The following SORL1 variants were observed in gnomAD, a reference collection of about 807,000 sequenced individuals.
SORL1 encodes sortilin-related receptor.
SORL1 carries 127 observed loss-of-function variants against 273.7 expected under a neutral mutation model. The observed-to-expected ratio is 0.46, with a 90% confidence interval of 0.40 to 0.54. The LOEUF is 0.54. Ranked by LOEUF, SORL1 falls within the 20% of genes least tolerant of loss-of-function variation. The pLI is 0.00. For synonymous variants in SORL1, 1,031 were observed against 1,067.4 expected (o/e 0.97, Z 0.66); for missense variants, 2,494 against 2,846.1 (o/e 0.88, Z 2.81).
At chr11:121,507,641 A>T (rs1861808141) in intron 6 of SORL1, among the ~76,000 whole-genome samples, 1 of 151,856 alleles carries the variant, frequency 6.6e-6, no homozygotes. Context: ...TTCTTTATTG[A>T]TATTCTCTAT....
intron 8 of SORL1, among the ~76,000 whole-genome samples, chr11:121,516,985 G>C (rs1178249906): frequency 6.6e-6 from 1 of 152,172 alleles, no homozygotes; most frequent in African/African-American, 2.4e-5. Flanking sequence ...CTGGGAGGTA[G>C]AGGATGCAGT....
Position 121,604,234 on chromosome 11 carries a change from T to C in SORL1, c.4561T>C (p.Cys1521Arg). 1.2e-6 allele frequency: 2 copies of C among 1,614,092 alleles called. No individual in the cohort carries two copies. Among genetic ancestry groups the C allele is most frequent in the Non-Finnish European group, 1.7e-6 (2 of 1,180,002 alleles). The change falls in exon 33 of 48, where the codon TGC (cysteine) becomes CGC (arginine). Residue 1521 changes from cysteine (C) to arginine (R), a missense_variant. Physicochemically the swap from Cys to Arg is radical, Grantham distance 180. Transcript: ENST00000260197. Reference sequence around the variant, plus strand: ...GACTTGCATGAGCAGGGAGTTCCAGTGCGAGGACGGGGAGGCCTGCATTGT... The same window carrying C: ...GACTTGCATGAGCAGGGAGTTCCAGCGCGAGGACGGGGAGGCCTGCATTGT... ...TLTCMSREFQ[C>R]EDGEACIVLS...
chr11:121,590,871 G>A, intron 30 of SORL1, 130 bp from the exon 31 acceptor site: 1 of 940,074 alleles, frequency 1.1e-6, no homozygotes, highest in Non-Finnish European at 1.8e-6. Flanking sequence ...GCTCAGAGCT[G>A]TGCCAGTCAC....
intron 16 of SORL1, among the ~76,000 whole-genome samples, chr11:121,552,827 T>C (rs1418908835): frequency 1.3e-5 from 2 of 152,190 alleles, no homozygotes; most frequent in Non-Finnish European, 2.9e-5. Flanking sequence ...AACCCAGGCA[T>C]GCAGCAAAAG....
At position 121,619,740 on chromosome 11, in the gene SORL1, G is replaced by C. The variant is rs1212226049; in HGVS notation, c.5725-13G>C. 1 of 1,603,926 alleles carries C rather than the reference G, an allele frequency of 6.2e-7. No individual in the cohort carries two copies. Among genetic ancestry groups the C allele is most frequent in the Non-Finnish European group, 8.5e-7 (1 of 1,172,880 alleles). Reference sequence around the variant, plus strand: ...GATGTATTTTTTTTCCTACGTGTGTGCTTGGGCTTCAGGTCCGTGTAGTGG... The same window carrying C: ...GATGTATTTTTTTTCCTACGTGTGTCCTTGGGCTTCAGGTCCGTGTAGTGG... On this transcript the variant is annotated splice_polypyrimidine_tract_variant and intron_variant, in intron 42 of 47. Transcript: ENST00000260197.
chr11:121,551,889 T>C (rs948963055), intron 16 of SORL1, among the ~76,000 whole-genome samples: 17 of 152,356 alleles, frequency 1.1e-4, no homozygotes, highest in African/African-American at 4.1e-4. Flanking sequence ...TATTCAAATA[T>C]TTCCCTCACA....
At chr11:121,605,283 T>C in intron 34 of SORL1, 44 bp downstream of exon 34, 1 of 1,594,912 alleles carries the variant, frequency 6.3e-7, no homozygotes, top group East Asian at 2.2e-5. Flanking sequence ...GATGTCTTCA[T>C]TGCCCCAGGA....
intron 47 of SORL1, among the ~76,000 whole-genome samples, chr11:121,628,310 G>T (rs748732598): frequency 1.2e-4 from 19 of 152,182 alleles, no homozygotes; most frequent in Non-Finnish European, 2.6e-4. Context: ...TGGACCAGCG[G>T]TGGAGGGGGA....
Position 121,606,849 on chromosome 11 carries a change from A to C in SORL1, c.4953A>C (p.Pro1651=), listed in dbSNP as rs1863482403. 6.2e-7 allele frequency: 1 copy of C among 1,613,198 alleles called. No individual in the cohort carries two copies. ...TTGAGTTGACTCTTTTTCTAGTGCCAGATGCCCCTCGAAATCTCCAGCTGT... is the reference window on the plus strand; with the variant it reads ...TTGAGTTGACTCTTTTTCTAGTGCCCGATGCCCCTCGAAATCTCCAGCTGT... The part of the protein sequence containing the change: ...FVTLRTPEGL[P]DAPRNLQLSL... Residue 1651 remains proline, a synonymous_variant, in exon 36 of 48, where the codon CCA becomes CCC. Coordinates refer to ENST00000260197, the MANE Select transcript of SORL1 (RefSeq NM_003105.6).
At position 121,614,517 on chromosome 11, in the gene SORL1, T is replaced by G. The variant is rs1863612077; in HGVS notation, c.5420-354T>G. On this transcript the variant is annotated intron_variant, in intron 40 of 47. Coordinates refer to ENST00000260197, the MANE Select transcript of SORL1 (RefSeq NM_003105.6). ...GTAACACTGTGATGGGGATCCTTGT[T>G]AAACACACTTTTGAGTCTTTCTCTG... The G allele has an allele frequency of 1.4e-5, 3 of 209,084 alleles. No individual in the cohort carries two copies. The South Asian group carries it at 2.2e-4, about 15-fold the overall frequency. The allele number at this position is 209,084 out of a possible 1,614,324, so 13.0% of individuals were successfully genotyped here. A position where few individuals can be genotyped will look rare whatever the true frequency, so the allele number is the denominator to read the frequency against.
At chr11:121,613,734 C>A (rs187107072) in intron 40 of SORL1, among the ~76,000 whole-genome samples, 17 of 152,186 alleles carry the variant, frequency 1.1e-4, no homozygotes, top group African/African-American at 4.1e-4. Context: ...ATAAGTCATA[C>A]GCTCAGACGG....
intron 21 of SORL1, among the ~76,000 whole-genome samples, chr11:121,564,464 G>T (rs1028480502): frequency 6.6e-6 from 1 of 152,126 alleles, no homozygotes; most frequent in East Asian, 1.9e-4. Flanking sequence ...TTGCTTGTTT[G>T]GATAGGAATA....
chr11:121,607,008 T>C, intron 36 of SORL1, 51 bp downstream of exon 36: 1 of 1,350,080 alleles, frequency 7.4e-7, no homozygotes, highest in South Asian at 1.2e-5. Flanking sequence ...TGCTAGGAGA[T>C]TTCTGGGTAT....
chr11:121,616,330 C>T (rs1863640533), intron 41 of SORL1, among the ~76,000 whole-genome samples: 1 of 152,180 alleles, frequency 6.6e-6, no homozygotes, highest in Non-Finnish European at 1.5e-5. Context: ...AATGAGATCA[C>T]CTGTAGGAAG....
chr11:121,535,297 A>G (rs142576272), intron 12 of SORL1, among the ~76,000 whole-genome samples: 416 of 152,356 alleles, frequency 2.7e-3, no homozygotes, highest in African/African-American at 9.6e-3. Context: ...TAGTTTTCAC[A>G]TGAGGGAATA....
chr11:121,525,050 C>T (rs947268725), intron 11 of SORL1, among the ~76,000 whole-genome samples: 1 of 152,178 alleles, frequency 6.6e-6, no homozygotes, highest in Non-Finnish European at 1.5e-5. Flanking sequence ...TTATGGTCGC[C>T]ACAATTAAGA....
intron 41 of SORL1, among the ~76,000 whole-genome samples, chr11:121,618,288 C>T (rs1393646026): frequency 6.6e-6 from 1 of 152,038 alleles, no homozygotes; most frequent in Non-Finnish European, 1.5e-5. Flanking sequence ...GCCGTGTCTG[C>T]TCTCCTTCCC....
chr11:121,459,803 T>C (rs552853585), intron 1 of SORL1, among the ~76,000 whole-genome samples: 1 of 152,368 alleles, frequency 6.6e-6, no homozygotes, highest in Non-Finnish European at 1.5e-5. Flanking sequence ...TAGCTGGGTC[T>C]GTCTTTCTTC....
At chr11:121,602,816 C>T (rs1863413797) in intron 32 of SORL1, among the ~76,000 whole-genome samples, 1 of 152,184 alleles carries the variant, frequency 6.6e-6, no homozygotes, top group South Asian at 2.1e-4. Context: ...TAAAATTAAA[C>T]TATAAACAAA....
Sources: allele counts gnomAD v4.1 joint callset (sites outside exome capture counted in the v4.1 genomes callset), GRCh38; gene constraint gnomAD v4.1.1; transcripts MANE v1.5; gene names NCBI Gene and HGNC (gene_info 2026-07-23, HGNC 2026-07-21).